Variants in NDRG1 observed in about 807,000 individuals in gnomAD.
The protein encoded by NDRG1 is N-myc downstream regulated 1.
A neutral mutation model predicts 56.9 loss-of-function variants in NDRG1; 32 were observed. The ratio of observed to expected loss-of-function variants is 0.56; its 90% CI spans 0.42 to 0.76. The LOEUF is 0.76. NDRG1 is among the 30% of genes least tolerant of loss of function. NDRG1 has a pLI of 0.00. For synonymous variants in NDRG1, 211 were observed against 204.1 expected (o/e 1.03, Z -0.29); for missense variants, 507 against 545.7 (o/e 0.93, Z 0.71).
At chr8:133,252,946 G>C (rs145091077) in intron 9 of NDRG1, among the ~76,000 whole-genome samples, 1 of 150,052 alleles carries the variant, frequency 6.7e-6, no homozygotes. Flanking sequence ...AGAGTGGGGC[G>C]TCTGTTCCCC....
chr8:133,243,177 C>T (rs1400210307), intron 14 of NDRG1, among the ~76,000 whole-genome samples: 3 of 152,172 alleles, frequency 2.0e-5, no homozygotes, highest in African/African-American at 4.8e-5. Flanking sequence ...GCCAGGATTC[C>T]ACAAAGAGCC....
chr8:133,280,376 C>T, intron 2 of NDRG1, 109 bp from the exon 3 acceptor site: 2 of 1,029,214 alleles, frequency 1.9e-6, no homozygotes, highest in Non-Finnish European at 3.0e-6. Context: ...TACACTTCCT[C>T]CTTTGTGGGG....
intron 7 of NDRG1, among the ~76,000 whole-genome samples, chr8:133,257,349 A>G (rs1218221790): frequency 6.6e-6 from 1 of 152,004 alleles, no homozygotes; most frequent in Non-Finnish European, 1.5e-5. Context: ...ATCGCTGAAT[A>G]ACAGGGATAC....
intron 3 of NDRG1, among the ~76,000 whole-genome samples, chr8:133,274,855 CT>C (rs1857373996): frequency 6.6e-6 from 1 of 152,186 alleles, no homozygotes; most frequent in Non-Finnish European, 1.5e-5. Flanking sequence ...CTGGGAAAGC[CT>C]CAGTTTCCTT....
chr8:133,262,735 C>A (rs867882447), intron 4 of NDRG1, among the ~76,000 whole-genome samples: 10 of 152,308 alleles, frequency 6.6e-5, no homozygotes, highest in South Asian at 4.1e-4. Flanking sequence ...ATCCCAAGCT[C>A]CCTTGCAATG....
chr8:133,260,241 A>AC (rs1034402679), intron 5 of NDRG1, among the ~76,000 whole-genome samples: 2 of 152,194 alleles, frequency 1.3e-5, no homozygotes, highest in African/African-American at 4.8e-5. Context: ...GGTGGTGGAC[A>AC]CCGGGGCCAG....
At chr8:133,266,392 G>A (rs554547175) in intron 3 of NDRG1, among the ~76,000 whole-genome samples, 9 of 152,360 alleles carry the variant, frequency 5.9e-5, no homozygotes, top group Admixed American at 1.3e-4. Context: ...GATCACTGCC[G>A]TGTGGCAGCA....
chr8:133,249,656 T>C (rs1172751627), intron 10 of NDRG1, among the ~76,000 whole-genome samples: 1 of 152,136 alleles, frequency 6.6e-6, no homozygotes, highest in Non-Finnish European at 1.5e-5. Context: ...TCAGAAAGTG[T>C]TTACTAAGTG....
At position 133,269,981 on chromosome 8, in the gene NDRG1, C is replaced by T. The variant is rs374908140; in HGVS notation, c.100-5329G>A. Among the ~76,000 whole-genome samples the T allele has an allele frequency of 8.5e-5, 13 of 152,254 alleles. No individual in the cohort carries two copies. The East Asian group carries it at 1.3e-3, about 16-fold the overall frequency. ...GAAACACCTCAGCACAGACATGAGA[C>T]GTCACCTCCTCCTTCCTGCTACCCA... is the stretch of plus-strand genomic sequence containing the variant. On this transcript the variant is annotated intron_variant, in intron 3 of 15. Coordinates refer to ENST00000323851, the MANE Select transcript of NDRG1 (RefSeq NM_006096.4).
intron 1 of NDRG1, among the ~76,000 whole-genome samples, chr8:133,296,247 G>A (rs1376238532): frequency 6.6e-6 from 1 of 151,920 alleles, no homozygotes; most frequent in South Asian, 2.1e-4. Context: ...ACCAGAGGCA[G>A]GGGAGGGGAG....
intron 14 of NDRG1, among the ~76,000 whole-genome samples, chr8:133,243,174 T>C (rs1855480760): frequency 6.6e-6 from 1 of 152,172 alleles, no homozygotes; most frequent in Non-Finnish European, 1.5e-5. Flanking sequence ...CCTGCCAGGA[T>C]TCCACAAAGA....
At chr8:133,270,488 T>A (rs1291414212) in intron 3 of NDRG1, among the ~76,000 whole-genome samples, 1 of 152,016 alleles carries the variant, frequency 6.6e-6, no homozygotes, top group Non-Finnish European at 1.5e-5. Flanking sequence ...GGAGGTTCAG[T>A]TCTGGCCAAT....
At position 133,237,737 on chromosome 8, in the gene NDRG1, C is replaced by T. The variant is rs1010089084; in HGVS notation, c.*1141G>A. ...GCAAAGAGTTCTGAGGATCCAAGAA[C>T]GTGACCGGGTCAGACAGGTTCAGCT... On this transcript the variant is annotated 3_prime_UTR_variant, in exon 16 of 16. Transcript: ENST00000323851. 32 of 164,608 alleles carry T rather than the reference C, an allele frequency of 1.9e-4. No homozygotes were observed. The highest frequency in any genetic ancestry group is 3.0e-4 in the Non-Finnish European group (25 of 82,450). The allele number at this position is 164,608 out of a possible 1,614,324, so 10.2% of individuals were successfully genotyped here. A position where few individuals can be genotyped will look rare whatever the true frequency, so the allele number is the denominator to read the frequency against.
chr8:133,292,986 TC>T (rs1858509173), intron 1 of NDRG1, among the ~76,000 whole-genome samples: 1 of 152,180 alleles, frequency 6.6e-6, no homozygotes. Flanking sequence ...AAGTCAAAGA[TC>T]TGGGTCAAAG....
intron 1 of NDRG1, chr8:133,296,519 T>C (rs1397114393): frequency 2.2e-6 from 1 of 455,864 alleles, no homozygotes; most frequent in East Asian, 7.0e-5. Context: ...CACACCGCCC[T>C]GTGTGTGCTA....
chr8:133,272,904 GA>G (rs1857265524), intron 3 of NDRG1, among the ~76,000 whole-genome samples: 1 of 152,214 alleles, frequency 6.6e-6, no homozygotes, highest in African/African-American at 2.4e-5. Context: ...TGGAAAGAGA[GA>G]AATTAGCAAA....
intron 2 of NDRG1, among the ~76,000 whole-genome samples, chr8:133,281,409 G>C (rs1178058538): frequency 1.3e-5 from 2 of 150,832 alleles, no homozygotes; most frequent in Non-Finnish European, 2.9e-5. Context: ...TCTTTTACCA[G>C]AGCTGTCCAT....
intron 1 of NDRG1, among the ~76,000 whole-genome samples, chr8:133,295,803 T>G (rs1393096949): frequency 6.6e-6 from 1 of 152,196 alleles, no homozygotes; most frequent in Non-Finnish European, 1.5e-5. Context: ...GCCTGGCCAC[T>G]GGCTGACTTC....
chr8:133,257,762 T>C (rs1856458230), intron 7 of NDRG1, among the ~76,000 whole-genome samples: 1 of 152,200 alleles, frequency 6.6e-6, no homozygotes, highest in Admixed American at 6.5e-5. Flanking sequence ...GCCAGACCAT[T>C]TTGTATTCAT....
Sources: allele counts gnomAD v4.1 joint callset (sites outside exome capture counted in the v4.1 genomes callset), GRCh38; gene constraint gnomAD v4.1.1; transcripts MANE v1.5; gene names NCBI Gene and HGNC (gene_info 2026-07-23, HGNC 2026-07-21).